The following ZNF607 variants were observed in gnomAD, a reference collection of about 807,000 sequenced individuals.
The protein encoded by ZNF607 is zinc finger protein 607.
In ZNF607, 5 loss-of-function variants were observed where a neutral mutation model predicts 12.8. The ratio of observed to expected loss-of-function variants is 0.39; its 90% CI spans 0.20 to 0.82. The LOEUF (loss-of-function observed/expected upper bound fraction) is 0.82. Among genes scored for constraint, ZNF607 ranks in the 40% least tolerant of loss-of-function variants. The pLI, the probability that ZNF607 is intolerant of heterozygous loss-of-function variation, is 0.39. For missense variants in ZNF607, 851 were observed against 859.2 expected (o/e 0.99, Z 0.12); for synonymous variants, 287 against 276.2 (o/e 1.04, Z -0.39).
In ZNF607 at chr19:37,709,695, C is replaced by A. The variant is rs773388381; in HGVS notation, c.136+1G>T. 10 of 1,612,956 alleles carry A rather than the reference C, an allele frequency of 6.2e-6. No homozygotes were observed. The Admixed American group carries it at 1.0e-4, about 16-fold the overall frequency. ...AAATCATTCCAGGTTGATAAACATA[C>A]CCAATGAGACTAAGTTGTCATAGTT... On this transcript the variant is annotated splice_donor_variant, in intron 3 of 4. Transcript: ENST00000355202. LOFTEE classifies it high-confidence loss of function.
rs1599657862 is a variant in ZNF607, at chr19:37,697,164, G to C, written c.*876C>G. On this transcript the variant is annotated 3_prime_UTR_variant, in exon 5 of 5. Transcript: ENST00000355202. ...GACATTCTGTAAATCTTTGCTACCA[G>C]TGATGACTGGCGCACTACGTGGTTG... The C allele has an allele frequency of 9.5e-6, 7 of 740,376 alleles. No individual in the cohort carries two copies. The East Asian group carries it at 1.8e-4, about 19-fold the overall frequency. The allele number at this position is 740,376 out of a possible 1,614,324, so 45.9% of individuals were successfully genotyped here. A position where few individuals can be genotyped will look rare whatever the true frequency, so the allele number is the denominator to read the frequency against.
Position 37,701,023 on chromosome 19 carries a change from G to T in ZNF607, c.236-1128C>A, listed in dbSNP as rs932694676. 1.1e-4 allele frequency among the ~76,000 whole-genome samples: 17 copies of T among 152,130 alleles called. No individual in the cohort carries two copies. The South Asian group carries it at 3.5e-3, about 32-fold the overall frequency. ...AAGTGAAAAGTCTAAATAGTCAATT[G>T]TCATAGATGAAATACAAAAAGCTGC... On this transcript the variant is annotated intron_variant, in intron 4 of 4. Transcript: ENST00000355202.
intron 4 of ZNF607, 95 bp from the exon 5 acceptor site, chr19:37,699,990 T>G: frequency 8.8e-7 from 1 of 1,131,556 alleles, no homozygotes; most frequent in South Asian, 1.7e-5. Flanking sequence ...AGATGCTAAC[T>G]CGAAAATACA....
intron 1 of ZNF607, among the ~76,000 whole-genome samples, chr19:37,717,182 TAATTTTA>T (rs886237681): frequency 2.6e-5 from 4 of 152,196 alleles, no homozygotes; most frequent in African/African-American, 9.6e-5. Context: ...TGTTTAATTT[TAATTTTA>T]AATTTTATTT....
chr19:37,711,663 C>T lies in ZNF607; in HGVS notation c.-45G>A, dbSNP rs750802058. ...TTGATCAGTCCTTGGCGTTTCTCTA[C>T]CAGAAGAGCAAAGTCAAAAGAACCA... is the stretch of plus-strand genomic sequence containing the variant. On this transcript the variant is annotated 5_prime_UTR_variant, in exon 2 of 5. Transcript: ENST00000355202. 6.2e-7 allele frequency: 1 copy of T among 1,608,228 alleles called. No individual in the cohort carries two copies.
At chr19:37,708,555 AAC>A (rs1279153421) in intron 3 of ZNF607, among the ~76,000 whole-genome samples, 1 of 151,550 alleles carries the variant, frequency 6.6e-6, no homozygotes. Flanking sequence ...AGTGGTTGAA[AAC>A]ACATACTCTA....
At chr19:37,712,464 T>C (rs548523022) in intron 1 of ZNF607, among the ~76,000 whole-genome samples, 3 of 152,246 alleles carry the variant, frequency 2.0e-5, no homozygotes, top group Non-Finnish European at 2.9e-5. Context: ...TGAGCCATGA[T>C]TGTGCTACTG....
Position 37,697,013 on chromosome 19 carries a change from C to T in ZNF607, c.*1027G>A, listed in dbSNP as rs1659371237. On this transcript the variant is annotated 3_prime_UTR_variant, in exon 5 of 5. Coordinates refer to ENST00000355202, the MANE Select transcript of ZNF607 (RefSeq NM_032689.5). The stretch of plus-strand genomic sequence containing the variant: ...GTTCTCCAGCATCAAAGCGAGCCAC[C>T]AGTGACTTGAGGATCTCCGTGGTAA... 1.2e-5 allele frequency: 9 copies of T among 721,358 alleles called. No individual in the cohort carries two copies. In the East Asian group the frequency reaches 2.4e-4, roughly 19 times the overall value. 44.7% of individuals were successfully genotyped at this position (721,358 alleles called of 1,614,324 possible).
intron 3 of ZNF607, among the ~76,000 whole-genome samples, 188 bp downstream of exon 3, chr19:37,709,508 T>C (rs955108325): frequency 3.9e-5 from 6 of 152,068 alleles, no homozygotes; most frequent in Non-Finnish European, 7.4e-5. Flanking sequence ...CACTGAAAGA[T>C]AGAGAAGATG....
rs1284622013 is a variant in ZNF607 at position 37,699,027 on chromosome 19, C to T, written c.1104G>A (p.Glu368=). Residue 368 remains glutamate (E), a synonymous_variant, in exon 5 of 5, where the codon GAG becomes GAA. Transcript: ENST00000355202. ...GCACACTAAAGGCTTTCCCACATTC[C>T]TCACACTTATAAGGTTTCTCAACAC... ...FESVEKPYKC[E]ECGKAFSVHG... is the part of the protein sequence containing the mutation. The T allele has an allele frequency of 6.2e-7, 1 of 1,613,802 alleles. No individual in the cohort carries two copies. Among genetic ancestry groups the T allele is most frequent in the African/African-American group, 1.3e-5 (1 of 74,810 alleles).
rs2045016185 is a variant in ZNF607, at chr19:37,699,329, G to A, written c.802C>T (p.Leu268Phe). The change falls in exon 5 of 5, where the codon CTT becomes TTT. Residue 268 changes from leucine (L) to phenylalanine (F), a missense_variant. Transcript: ENST00000355202. The stretch of plus-strand genomic sequence containing the variant: ...GTATGAATACTCTGATGTACTTTAA[G>A]GCCTGCTTTGAGCCTAAAGGACTTC... ...CGKSFRLKAG[L>F]KVHQSIHTGE... is the part of the protein sequence containing the mutation. 6.2e-7 allele frequency: 1 copy of A among 1,613,724 alleles called. No individual in the cohort carries two copies. Among genetic ancestry groups the A allele is most frequent in the African/African-American group, 1.3e-5 (1 of 74,782 alleles).
chr19:37,713,484 G>A (rs1173046019), intron 1 of ZNF607, among the ~76,000 whole-genome samples: 1 of 150,512 alleles, frequency 6.6e-6, no homozygotes, highest in African/African-American at 2.5e-5. Context: ...TGCCCAGGCT[G>A]GAGTGCAGTG....
chr19:37,707,460 T>TTGGGCAGGGGGATATAGAACAATTC (rs2045094608), intron 4 of ZNF607, among the ~76,000 whole-genome samples: 2 of 151,696 alleles, frequency 1.3e-5, no homozygotes, highest in East Asian at 1.9e-4. Context: ...AAAAAAAAGG[T>TTGGGCAGGGGGATATAGAACAATTC]TGGGCAGGGG....
Position 37,697,949 on chromosome 19 carries a change from T to G in ZNF607, c.*91A>C, listed in dbSNP as rs1240785885. 2 of 1,285,132 alleles carry G rather than the reference T, an allele frequency of 1.6e-6. No homozygotes were observed. Among genetic ancestry groups the G allele is most frequent in the African/African-American group, 3.0e-5 (2 of 67,274 alleles). The allele number at this position is 1,285,132 out of a possible 1,614,324, so 79.6% of individuals were successfully genotyped here. A position where few individuals can be genotyped will look rare whatever the true frequency, so the allele number is the denominator to read the frequency against. ...AAACTGAACTGTATCTCAAAGCCAT[T>G]CCACATTGTCTTCATTCAAATTGTT... On this transcript the variant is annotated 3_prime_UTR_variant, in exon 5 of 5. Coordinates refer to ENST00000355202, the MANE Select transcript of ZNF607 (RefSeq NM_032689.5).
In ZNF607 at chr19:37,697,926, A is replaced by G; in HGVS notation, c.*114T>C. On this transcript the variant is annotated 3_prime_UTR_variant, in exon 5 of 5. Coordinates refer to ENST00000355202, the MANE Select transcript of ZNF607 (RefSeq NM_032689.5). The stretch of plus-strand genomic sequence containing the variant: ...CAATACAAATTGATGCCTAATAAAA[A>G]CTGAACTGTATCTCAAAGCCATTCC... The G allele has an allele frequency of 9.5e-7, 1 of 1,057,310 alleles. No individual in the cohort carries two copies. Among genetic ancestry groups the G allele is most frequent in the Non-Finnish European group, 1.4e-6 (1 of 737,806 alleles). 65.5% of individuals were successfully genotyped at this position (1,057,310 alleles called of 1,614,324 possible). A position where few individuals can be genotyped will look rare whatever the true frequency, so the allele number is the denominator to read the frequency against.
intron 3 of ZNF607, 78 bp downstream of exon 3, chr19:37,709,618 C>A: frequency 6.6e-7 from 1 of 1,506,638 alleles, no homozygotes; most frequent in South Asian, 1.3e-5. Flanking sequence ...GCCCTGAAAA[C>A]CACAACAGAA....
chr19:37,710,035 C>G (rs536924295), intron 2 of ZNF607, among the ~76,000 whole-genome samples: 1 of 151,948 alleles, frequency 6.6e-6, no homozygotes, highest in African/African-American at 2.4e-5. Flanking sequence ...CATGCCTGCA[C>G]TCCCAGCTAC....
rs747650660 is a variant in ZNF607 at position 37,698,857 on chromosome 19, TCCTTA to T, written c.1269_1273del (p.Cys423Ter). The T allele has an allele frequency of 1.2e-6, 2 of 1,614,110 alleles. No individual in the cohort carries two copies. Among genetic ancestry groups the T allele is most frequent in the East Asian group, 2.2e-5 (1 of 44,880 alleles). On this transcript the variant is annotated stop_gained and frameshift_variant, in exon 5 of 5. Transcript: ENST00000355202. LOFTEE classifies it low-confidence loss of function (END_TRUNC). Reference sequence around the variant, plus strand: ...ACGCTGACTGAAGGCCTTCCCACATTCCTTACATTTGTAGGGTTTCTCACCGGTAT... The same window carrying T: ...ACGCTGACTGAAGGCCTTCCCACATTCATTTGTAGGGTTTCTCACCGGTAT...
rs1290885761 is a variant in ZNF607 at position 37,698,364 on chromosome 19, A to G, written c.1767T>C (p.Tyr589=). ...HDRTHAGEKS[Y]ECKECGETFS... ...AAGTTTCCCCACATTCTTTACATTC[A>G]TAGGACTTTTCACCAGCATGAGTTC... The change falls in exon 5 of 5, where the codon TAT becomes TAC. Residue 589 remains tyrosine (Y), a synonymous_variant. Coordinates refer to ENST00000355202, the MANE Select transcript of ZNF607 (RefSeq NM_032689.5). 4 of 1,614,018 alleles carry G rather than the reference A, an allele frequency of 2.5e-6. No homozygotes were observed. The highest frequency in any genetic ancestry group is 3.4e-6 in the Non-Finnish European group (4 of 1,180,002).
Sources: allele counts gnomAD v4.1 joint callset (sites outside exome capture counted in the v4.1 genomes callset), GRCh38; gene constraint gnomAD v4.1.1; transcripts MANE v1.5; gene names NCBI Gene and HGNC (gene_info 2026-07-23, HGNC 2026-07-21).